SHANK2: variants seen among roughly 807,000 people sequenced by gnomAD.
The protein encoded by SHANK2 is SH3 and multiple ankyrin repeat domains 2, also known as SH3 and multiple ankyrin repeat domains protein 2.
A neutral mutation model predicts 133.7 loss-of-function variants in SHANK2; 43 were observed. The ratio of observed to expected loss-of-function variants is 0.32; its 90% CI spans 0.25 to 0.41. The LOEUF (loss-of-function observed/expected upper bound fraction) is 0.41, where lower values mean the gene tolerates loss of function less well. Ranked by LOEUF, SHANK2 falls within the 10% of genes least tolerant of loss-of-function variation. The pLI, the probability that SHANK2 is intolerant of heterozygous loss-of-function variation, is 1.00. For missense variants in SHANK2, 1,994 were observed against 2,235.8 expected, an observed-to-expected ratio of 0.89 and a Z score of 2.18; for synonymous variants, 1,017 against 952.8, an observed-to-expected ratio of 1.07 and a Z score of -1.24.
chr11:70,485,877 CAGA>C lies in SHANK2; in HGVS notation c.4413_4415del (p.Cys1471_Leu1472delinsTrp). 2 of 1,614,086 alleles carry C rather than the reference CAGA, an allele frequency of 1.2e-6. No homozygotes were observed. The highest frequency in any genetic ancestry group is 1.7e-6 in the Non-Finnish European group (2 of 1,180,038). On this transcript the variant is annotated inframe_deletion, in exon 25 of 26. Coordinates refer to ENST00000601538, the MANE Select transcript of SHANK2 (RefSeq NM_012309.5). The surrounding 1 kb of genome is among the most constrained non-coding windows in gnomAD (Gnocchi z 5.8). Reference sequence around the variant, plus strand: ...CAGGGGGTGGCAGGAATGAGGCAGGCAGACAGTTTGAAAGACTGGCTGGCTTCT... The same window carrying C: ...CAGGGGGTGGCAGGAATGAGGCAGGCCAGTTTGAAAGACTGGCTGGCTTCT...
chr11:70,620,710 T>C (rs1554997419), intron 17 of SHANK2, among the ~76,000 whole-genome samples: 1 of 152,192 alleles, frequency 6.6e-6, no homozygotes, highest in African/African-American at 2.4e-5. Flanking sequence ...TACGAGGTCA[T>C]AAGGGTGGGG....
chr11:71,128,791 G>A (rs1329759104), intron 3 of SHANK2, among the ~76,000 whole-genome samples: 1 of 152,104 alleles, frequency 6.6e-6, no homozygotes, highest in African/African-American at 2.4e-5. Context: ...TGAGGACAGG[G>A]GTTTCTTTTT....
At chr11:70,824,014 T>A (rs963348074) in intron 11 of SHANK2, among the ~76,000 whole-genome samples, 2 of 143,244 alleles carry the variant, frequency 1.4e-5, no homozygotes, top group Admixed American at 1.4e-4. Flanking sequence ...AAGGGACACA[T>A]GTGGTGCTGG....
intron 3 of SHANK2, among the ~76,000 whole-genome samples, chr11:71,119,578 C>CAAAA (rs55759811): frequency 2.2e-5 from 3 of 134,444 alleles, no homozygotes; most frequent in African/African-American, 6.0e-5. Context: ...GACTCCATCT[C>CAAAA]AAAAAAAAAA....
At chr11:70,788,348 G>A (rs1051597186) in intron 14 of SHANK2, among the ~76,000 whole-genome samples, 10 of 152,196 alleles carry the variant, frequency 6.6e-5, no homozygotes, top group Non-Finnish European at 1.5e-4. Flanking sequence ...ATCACCCACG[G>A]TCAACTGAAG....
intron 6 of SHANK2, among the ~76,000 whole-genome samples, chr11:71,097,049 G>A (rs753481092): frequency 1.3e-5 from 2 of 152,208 alleles, no homozygotes; most frequent in African/African-American, 2.4e-5. Context: ...TGTGTCTCAC[G>A]TGCAGGATGG....
chr11:71,215,776 A>T (rs1313797143), intron 2 of SHANK2, among the ~76,000 whole-genome samples: 4 of 152,142 alleles, frequency 2.6e-5, no homozygotes. Context: ...AAACCCAGAC[A>T]TGACACCCCA....
chr11:71,141,338 CAA>C (rs141530384), intron 3 of SHANK2, among the ~76,000 whole-genome samples: 31,073 of 144,656 alleles, frequency 0.21, 3,442 homozygotes, highest in South Asian at 0.32. Context: ...ACTAAAAATA[CAA>C]AAAAAAAAAA....
chr11:70,543,663 G>A (rs560025195), intron 17 of SHANK2, among the ~76,000 whole-genome samples: 110 of 152,158 alleles, frequency 7.2e-4, no homozygotes, highest in Non-Finnish European at 6.3e-4. Flanking sequence ...ACCGGCAAAC[G>A]TATTTCCCTC....
intron 10 of SHANK2, among the ~76,000 whole-genome samples, chr11:70,900,284 G>T (rs2135678664): frequency 6.6e-6 from 1 of 152,218 alleles, no homozygotes; most frequent in East Asian, 1.9e-4. Flanking sequence ...AACCTGGGAG[G>T]TGGAGACTGC....
intron 2 of SHANK2, among the ~76,000 whole-genome samples, chr11:71,220,781 G>T (rs530861782): frequency 6.6e-6 from 1 of 152,260 alleles, no homozygotes; most frequent in East Asian, 1.9e-4. Context: ...AGAGGAATGG[G>T]GAGGGAGGGT....
chr11:70,624,800 C>T (rs2060882290), intron 17 of SHANK2, among the ~76,000 whole-genome samples: 3 of 152,196 alleles, frequency 2.0e-5, no homozygotes, highest in African/African-American at 4.8e-5. Context: ...CCGGTGTCGT[C>T]CTGGGGCAAC....
intron 10 of SHANK2, among the ~76,000 whole-genome samples, chr11:70,947,193 G>A (rs1950760488): frequency 7.0e-6 from 1 of 143,448 alleles, no homozygotes; most frequent in Admixed American, 7.0e-5. Flanking sequence ...ACACACTCGT[G>A]ACGTTTCAAG....
At chr11:70,826,298 C>G (rs1948638902) in intron 11 of SHANK2, among the ~76,000 whole-genome samples, 1 of 152,152 alleles carries the variant, frequency 6.6e-6, no homozygotes, top group Non-Finnish European at 1.5e-5. Flanking sequence ...TATTCCGGAC[C>G]AACTCAAACC....
At position 70,659,824 on chromosome 11, in the gene SHANK2, C is replaced by T. The variant is rs782523067; in HGVS notation, c.2061+4G>A. ...CAGAAAGATACAGACACCTGTGTCC[C>T]TACCTCAATCAAGAAGTCCCCGGTC... On this transcript the variant is annotated splice_donor_region_variant and intron_variant, in intron 17 of 25. Coordinates refer to ENST00000601538, the MANE Select transcript of SHANK2 (RefSeq NM_012309.5). 2 of 1,614,050 alleles carry T rather than the reference C, an allele frequency of 1.2e-6. No homozygotes were observed. The highest frequency in any genetic ancestry group is 1.7e-6 in the Non-Finnish European group (2 of 1,180,044).
intron 11 of SHANK2, among the ~76,000 whole-genome samples, chr11:70,821,813 T>G (rs1403302838): frequency 2.6e-5 from 4 of 152,152 alleles, no homozygotes; most frequent in African/African-American, 9.7e-5. Context: ...GATGATTCAA[T>G]CTCAGTCCTC....
chr11:71,211,642 CAAA>C (rs35529960), intron 2 of SHANK2, among the ~76,000 whole-genome samples: 4 of 117,956 alleles, frequency 3.4e-5, no homozygotes, highest in Non-Finnish European at 3.7e-5. Flanking sequence ...TGAGCATTTG[CAAA>C]AAAAAAAAAA....
At chr11:70,639,504 G>T (rs147597610) in intron 17 of SHANK2, among the ~76,000 whole-genome samples, 2 of 151,966 alleles carry the variant, frequency 1.3e-5, no homozygotes, top group Non-Finnish European at 2.9e-5. Flanking sequence ...CCTCCTGAAG[G>T]CCCCACCTTC....
At chr11:71,103,293 C>T (rs1262907773) in intron 6 of SHANK2, among the ~76,000 whole-genome samples, 1 of 152,204 alleles carries the variant, frequency 6.6e-6, no homozygotes, top group Non-Finnish European at 1.5e-5. Context: ...TGCTGGAGCA[C>T]AGCAGGTCAC....
Sources: allele counts gnomAD v4.1 joint callset (sites outside exome capture counted in the v4.1 genomes callset), GRCh38; gene constraint gnomAD v4.1.1; non-coding constraint Gnocchi (gnomAD v3.1); transcripts MANE v1.5; gene names NCBI Gene and HGNC (gene_info 2026-07-23, HGNC 2026-07-21).